Variants in BCL2L11 observed in about 807,000 individuals in gnomAD.
The protein encoded by BCL2L11 is bcl-2-like protein 11.
BCL2L11 carries 15 observed loss-of-function variants against 20.6 expected under a neutral mutation model. That is an observed-to-expected ratio of 0.73 (90% CI 0.49 to 1.12). The LOEUF is 1.12. BCL2L11 is among the 50% of genes most tolerant of loss of function. BCL2L11 has a pLI of 0.00. For missense variants in BCL2L11, 292 were observed against 260.9 expected (o/e 1.12, Z -0.82); for synonymous variants, 108 against 92.8 (o/e 1.16, Z -0.94).
intron 2 of BCL2L11, among the ~76,000 whole-genome samples, chr2:111,133,597 G>T (rs1188769302): frequency 6.6e-6 from 1 of 151,990 alleles, no homozygotes; most frequent in Non-Finnish European, 1.5e-5. Context: ...ATTCTATTTC[G>T]GTTTACAAAT....
chr2:111,143,159 C>T (rs538644318), intron 2 of BCL2L11, among the ~76,000 whole-genome samples: 3 of 152,234 alleles, frequency 2.0e-5, no homozygotes, highest in Non-Finnish European at 4.4e-5. Context: ...TGAAAGTAAT[C>T]TAAAGCTATA....
Position 111,165,534 on chromosome 2 carries a change from T to TTAA in BCL2L11, c.*1304_*1305insAAT, listed in dbSNP as rs375483724. ...GTTTTTTTTCATTTTTCCAGGACAG[T>TTAA]TGGATATTGTCAGGCCACTTGTGAC... On this transcript the variant is annotated 3_prime_UTR_variant, in exon 4 of 4. Transcript: ENST00000393256. 4 of 152,180 alleles carry TTAA rather than the reference T, an allele frequency of 2.6e-5. No individual in the cohort carries two copies. The highest frequency in any genetic ancestry group is 9.7e-5 in the African/African-American group (4 of 41,432). 9.4% of individuals were successfully genotyped at this position (152,180 alleles called of 1,614,324 possible).
intron 2 of BCL2L11, among the ~76,000 whole-genome samples, chr2:111,141,645 C>G (rs1347232260): frequency 6.6e-6 from 1 of 151,766 alleles, no homozygotes; most frequent in African/African-American, 2.4e-5. Flanking sequence ...GCACATGTAC[C>G]CTAAAACTTA....
At chr2:111,158,363 C>T (rs920387190) in intron 3 of BCL2L11, among the ~76,000 whole-genome samples, 8 of 152,114 alleles carry the variant, frequency 5.3e-5, no homozygotes, top group African/African-American at 1.9e-4. Context: ...GCCGTGACAG[C>T]CCCTGGGTAT....
intron 2 of BCL2L11, among the ~76,000 whole-genome samples, chr2:111,136,512 C>T (rs1418726883): frequency 6.6e-6 from 1 of 152,158 alleles, no homozygotes; most frequent in Non-Finnish European, 1.5e-5. Flanking sequence ...GGCTATTTGT[C>T]TTAGTCCCTT....
rs724710 is a variant in BCL2L11 at position 111,150,114 on chromosome 2, T to A, written c.465T>A (p.Ile155=). ...GGATCGCCCAAGAGTTGCGGCGTAT[T>A]GGAGACGAGTTTAACGCTTACTATG... The part of the protein sequence containing the change: ...EIWIAQELRR[I]GDEFNAYYAR... Residue 155 remains isoleucine (I), a synonymous_variant, in exon 3 of 4, where the codon ATT becomes ATA. Transcript: ENST00000393256. 2 of 1,613,652 alleles carry A rather than the reference T, an allele frequency of 1.2e-6. No homozygotes were observed. Among genetic ancestry groups the A allele is most frequent in the Admixed American group, 1.7e-5 (1 of 60,002 alleles).
At chr2:111,126,312 CTAAA>C (rs1313047994) in intron 2 of BCL2L11, among the ~76,000 whole-genome samples, 1 of 152,006 alleles carries the variant, frequency 6.6e-6, no homozygotes, top group East Asian at 1.9e-4. Flanking sequence ...AGATCATAAT[CTAAA>C]TAATTATGCA....
intron 2 of BCL2L11, among the ~76,000 whole-genome samples, chr2:111,147,837 C>T (rs529622588): frequency 1.3e-5 from 2 of 152,292 alleles, no homozygotes; most frequent in South Asian, 2.1e-4. Context: ...TAAAATATGT[C>T]TCCTTGTCCC....
intron 1 of BCL2L11, chr2:111,122,688 G>A (rs1320422104): frequency 1.6e-5 from 16 of 982,846 alleles, no homozygotes; most frequent in South Asian, 4.5e-5. Flanking sequence ...GGCAGCGCGG[G>A]CCAGAGGCGC....
rs2079040077 is a variant in BCL2L11, at chr2:111,166,769, G to A, written c.*2538G>A. 1 of 152,478 alleles carries A rather than the reference G, an allele frequency of 6.6e-6. No individual in the cohort carries two copies. Among genetic ancestry groups the A allele is most frequent in the African/African-American group, 2.4e-5 (1 of 41,398 alleles). The allele number at this position is 152,478 out of a possible 1,614,324, so 9.4% of individuals were successfully genotyped here. On this transcript the variant is annotated 3_prime_UTR_variant, in exon 4 of 4. Transcript: ENST00000393256. ...CTGGTTAGTTGATCAAGAATTTTGGGGGTGGGGGTTGCGGAGAAATCAAGT... is the reference window on the plus strand; with the variant it reads ...CTGGTTAGTTGATCAAGAATTTTGGAGGTGGGGGTTGCGGAGAAATCAAGT...
At chr2:111,161,361 C>A in intron 3 of BCL2L11, 1 of 1,538,424 alleles carries the variant, frequency 6.5e-7, no homozygotes, top group South Asian at 1.2e-5. Context: ...GACAGTCTGT[C>A]TTTTTTATAT....
intron 2 of BCL2L11, among the ~76,000 whole-genome samples, chr2:111,149,452 T>C (rs1039473966): frequency 6.6e-6 from 1 of 152,234 alleles, no homozygotes; most frequent in Non-Finnish European, 1.5e-5. Flanking sequence ...AGACAAAACA[T>C]GCAATTATGC....
In BCL2L11 at chr2:111,128,596, A is replaced by C. The variant is rs566567279; in HGVS notation, c.394+4457A>C. ...AGGGTTCCAGTTTCTCCACATACTT[A>C]CCAACACTTTTTTTTTTTTTTTTTT... On this transcript the variant is annotated intron_variant, in intron 2 of 3. Coordinates refer to ENST00000393256, the MANE Select transcript of BCL2L11 (RefSeq NM_138621.5). The C allele has an allele frequency of 3.4e-6, 5 of 1,492,048 alleles. No individual in the cohort carries two copies. In the East Asian group the frequency reaches 1.2e-4, roughly 37 times the overall value. The allele number at this position is 1,492,048 out of a possible 1,614,324, so 92.4% of individuals were successfully genotyped here.
intron 3 of BCL2L11, among the ~76,000 whole-genome samples, chr2:111,153,005 G>A (rs1328059275): frequency 6.6e-6 from 1 of 152,124 alleles, no homozygotes; most frequent in African/African-American, 2.4e-5. Context: ...GATATTAGGG[G>A]GAAGGAGTAG....
chr2:111,159,787 G>T (rs540846957), intron 3 of BCL2L11, among the ~76,000 whole-genome samples: 1 of 152,310 alleles, frequency 6.6e-6, no homozygotes, highest in African/African-American at 2.4e-5. Context: ...GGAACCCCAC[G>T]CTAGGGCATT....
chr2:111,145,975 C>T, intron 2 of BCL2L11: 2 of 976,554 alleles, frequency 2.0e-6, no homozygotes, highest in Non-Finnish European at 2.4e-6. Context: ...ATGGATCTGC[C>T]TAGGAAGTCA....
chr2:111,167,749 T>A lies in BCL2L11; in HGVS notation c.*3518T>A, dbSNP rs2079092284. 6.6e-6 allele frequency: 1 copy of A among 152,374 alleles called. No homozygotes were observed. 9.4% of individuals were successfully genotyped at this position (152,374 alleles called of 1,614,324 possible). A position where few individuals can be genotyped will look rare whatever the true frequency, so the allele number is the denominator to read the frequency against. On this transcript the variant is annotated 3_prime_UTR_variant, in exon 4 of 4. Coordinates refer to ENST00000393256, the MANE Select transcript of BCL2L11 (RefSeq NM_138621.5). ...TGTGCTTTGAGGTTGGACTAACTTG[T>A]CTTCAGGAGCTAATTAACTGTACAG...
intron 3 of BCL2L11, among the ~76,000 whole-genome samples, chr2:111,157,713 G>T (rs538641057): frequency 1.3e-5 from 2 of 152,188 alleles, no homozygotes; most frequent in Non-Finnish European, 2.9e-5. Flanking sequence ...GAAGAGATTT[G>T]TGTCACAATA....
At position 111,166,977 on chromosome 2, in the gene BCL2L11, A is replaced by T. The variant is rs2079052174; in HGVS notation, c.*2746A>T. ...AAAATTTTGTACAGCATAAATAAGT[A>T]AAAAAATCACTGTTTTTCTCAACTT... is the stretch of plus-strand genomic sequence containing the variant. On this transcript the variant is annotated 3_prime_UTR_variant, in exon 4 of 4. Transcript: ENST00000393256. 6.6e-6 allele frequency: 1 copy of T among 152,612 alleles called. No individual in the cohort carries two copies. The highest frequency in any genetic ancestry group is 2.4e-5 in the African/African-American group (1 of 41,420). 9.5% of individuals were successfully genotyped at this position (152,612 alleles called of 1,614,324 possible).
Sources: gnomAD v4.1 joint callset for allele counts (sites outside exome capture counted in the v4.1 genomes callset) on GRCh38, gnomAD v4.1.1 for gene constraint, MANE v1.5 for transcripts, NCBI Gene and HGNC (gene_info 2026-07-23, HGNC 2026-07-21) for gene names.